Variants in PRDM5 observed in about 807,000 individuals in gnomAD.
PRDM5 encodes PR/SET domain 5, also known as PR domain zinc finger protein 5.
A neutral mutation model predicts 81.2 loss-of-function variants in PRDM5; 56 were observed. The ratio of observed to expected loss-of-function variants is 0.69; its 90% CI spans 0.56 to 0.86. The LOEUF (loss-of-function observed/expected upper bound fraction) is 0.86. PRDM5 is among the 40% of genes least tolerant of loss of function. The pLI is 0.00. For missense variants in PRDM5, 697 were observed against 770.1 expected (o/e 0.91, Z 1.12); for synonymous variants, 267 against 256.4 (o/e 1.04, Z -0.39).
At chr4:120,702,833 C>A (rs1485710330) in intron 15 of PRDM5, among the ~76,000 whole-genome samples, 1 of 152,210 alleles carries the variant, frequency 6.6e-6, no homozygotes, top group Non-Finnish European at 1.5e-5. Context: ...CTTCTCCAAA[C>A]CCAATGTCAC....
intron 15 of PRDM5, among the ~76,000 whole-genome samples, chr4:120,709,815 C>T (rs1420493722): frequency 6.7e-6 from 1 of 148,618 alleles, no homozygotes; most frequent in Non-Finnish European, 1.5e-5. Flanking sequence ...CCATTTCAAT[C>T]CAAATGTCAT....
chr4:120,730,372 G>A (rs1246175526), intron 14 of PRDM5, among the ~76,000 whole-genome samples: 1 of 152,046 alleles, frequency 6.6e-6, no homozygotes, highest in African/African-American at 2.4e-5. Flanking sequence ...AATTGAAAAA[G>A]GCACATGAAT....
At chr4:120,849,936 G>T (rs1225145587) in intron 3 of PRDM5, among the ~76,000 whole-genome samples, 1 of 152,024 alleles carries the variant, frequency 6.6e-6, no homozygotes, top group Non-Finnish European at 1.5e-5. Context: ...ACAGTTAAAT[G>T]ATTATTCTGA....
At chr4:120,714,498 T>C (rs535840884) in intron 14 of PRDM5, among the ~76,000 whole-genome samples, 8 of 152,192 alleles carry the variant, frequency 5.3e-5, no homozygotes, top group Non-Finnish European at 1.2e-4. Flanking sequence ...ATTTGCTTAT[T>C]TCCCAATTCC....
chr4:120,846,926 A>G (rs1004145246), intron 3 of PRDM5, among the ~76,000 whole-genome samples: 4 of 152,098 alleles, frequency 2.6e-5, no homozygotes, highest in Non-Finnish European at 5.9e-5. Flanking sequence ...TCAGCCAGCA[A>G]AAGTCAGAGC....
chr4:120,799,734 T>C lies in PRDM5; in HGVS notation c.957A>G (p.Ile319Met). The C allele has an allele frequency of 6.2e-7, 1 of 1,612,496 alleles. No individual in the cohort carries two copies. Among genetic ancestry groups the C allele is most frequent in the Non-Finnish European group, 8.5e-7 (1 of 1,179,346 alleles). ...SLQEHRKIHEIFDCQECMKKF... is the reference protein window; with the variant it reads ...SLQEHRKIHEMFDCQECMKKF... ...TCTTCATACATTCTTGACAATCAAA[T>C]ATCTCATGAATCTGCAAAAGGTTAA... Residue 319 changes from isoleucine (I) to methionine (M), a missense_variant, in exon 9 of 16, where the codon ATA becomes ATG. Ile to Met is a conservative substitution (Grantham distance 10, BLOSUM62 1). Coordinates refer to ENST00000264808, the MANE Select transcript of PRDM5 (RefSeq NM_018699.4).
chr4:120,853,466 G>A lies in PRDM5; in HGVS notation c.252C>T (p.Phe84=), dbSNP rs576918913. Residue 84 remains phenylalanine (F), a synonymous_variant, in exon 3 of 16, where the codon TTC becomes TTT. Transcript: ENST00000264808. The part of the protein sequence containing the change: ...TNPRHSNWLR[F]VHEAPSQEQK... ...GCTCCTGAGATGGTGCCTCATGAAC[G>A]AAGCGAAGCCAGTTGGAGTGCCGTG... The A allele has an allele frequency of 5.6e-5, 91 of 1,613,778 alleles. 1 individual carries two copies. Among genetic ancestry groups the A allele is most frequent in the Admixed American group, 1.5e-4 (9 of 60,006 alleles).
chr4:120,761,408 CA>C (rs1210790784), intron 13 of PRDM5, among the ~76,000 whole-genome samples: 3 of 152,132 alleles, frequency 2.0e-5, no homozygotes. Context: ...GGAAAAAAAT[CA>C]AATCCTAGTT....
At chr4:120,835,380 A>C (rs577763205) in intron 3 of PRDM5, among the ~76,000 whole-genome samples, 4 of 152,340 alleles carry the variant, frequency 2.6e-5, no homozygotes, top group African/African-American at 9.6e-5. Flanking sequence ...ATGTGTGCCT[A>C]TGCCTGTGTG....
chr4:120,706,589 G>A lies in PRDM5; in HGVS notation c.1728+3720C>T, dbSNP rs1002065513. Reference sequence around the variant, plus strand: ...GTTCAAAAGAGAGACCTGGGCAGGAGAAAGAAAGATTTCAAAGTTATTGCT... The same window carrying A: ...GTTCAAAAGAGAGACCTGGGCAGGAAAAAGAAAGATTTCAAAGTTATTGCT... On this transcript the variant is annotated intron_variant, in intron 15 of 15. Transcript: ENST00000264808. Among the ~76,000 whole-genome samples, 19 of 152,044 alleles carry A rather than the reference G, an allele frequency of 1.2e-4. 1 individual carries two copies. The highest frequency in any genetic ancestry group is 6.2e-4 in the South Asian group (3 of 4,818).
At chr4:120,811,914 C>A (rs1372100554) in intron 7 of PRDM5, among the ~76,000 whole-genome samples, 1 of 151,930 alleles carries the variant, frequency 6.6e-6, no homozygotes, top group Non-Finnish European at 1.5e-5. Flanking sequence ...TTTAAATATA[C>A]AATAAGTTAT....
intron 15 of PRDM5, among the ~76,000 whole-genome samples, chr4:120,704,037 A>G (rs902378460): frequency 5.3e-5 from 8 of 152,142 alleles, no homozygotes; most frequent in African/African-American, 1.9e-4. Flanking sequence ...ACCATGGGAA[A>G]ATGAGAGCAA....
rs1318593388 is a variant in PRDM5 at position 120,693,173 on chromosome 4, G to A, written c.*1938C>T. 3 of 152,016 alleles carry A rather than the reference G, an allele frequency of 2.0e-5. No individual in the cohort carries two copies. The highest frequency in any genetic ancestry group is 2.0e-4 in the Admixed American group (3 of 15,242). 9.4% of individuals were successfully genotyped at this position (152,016 alleles called of 1,614,324 possible). A position where few individuals can be genotyped will look rare whatever the true frequency, so the allele number is the denominator to read the frequency against. ...AGTTTTCAGGGTAATTTCCCCAGCA[G>A]CCATGTGAACTGTGACTCACTGAGA... is the stretch of plus-strand genomic sequence containing the variant. On this transcript the variant is annotated 3_prime_UTR_variant, in exon 16 of 16. Transcript: ENST00000264808.
At chr4:120,887,696 T>A (rs1763586369) in intron 2 of PRDM5, among the ~76,000 whole-genome samples, 1 of 152,172 alleles carries the variant, frequency 6.6e-6, no homozygotes, top group African/African-American at 2.4e-5. Flanking sequence ...ACCTAGTTCT[T>A]CTTCAGATGG....
chr4:120,696,326 A>T (rs565534270), intron 15 of PRDM5, among the ~76,000 whole-genome samples: 5 of 152,138 alleles, frequency 3.3e-5, no homozygotes, highest in African/African-American at 1.2e-4. Flanking sequence ...CTCTGTTCAA[A>T]TTTACTTTTT....
intron 12 of PRDM5, among the ~76,000 whole-genome samples, chr4:120,779,575 G>A (rs1343163083): frequency 6.6e-6 from 1 of 152,106 alleles, no homozygotes; most frequent in Non-Finnish European, 1.5e-5. Context: ...TGCCCTAGAT[G>A]TGATTATTAT....
intron 8 of PRDM5, among the ~76,000 whole-genome samples, chr4:120,801,610 T>C (rs1752129969): frequency 6.6e-6 from 1 of 152,230 alleles, no homozygotes; most frequent in Non-Finnish European, 1.5e-5. Context: ...ATGGCATCTA[T>C]GAGGGGATAT....
At chr4:120,724,654 G>A (rs1739128760) in intron 14 of PRDM5, among the ~76,000 whole-genome samples, 1 of 152,170 alleles carries the variant, frequency 6.6e-6, no homozygotes, top group Non-Finnish European at 1.5e-5. Context: ...AGTTTATTCA[G>A]AGGTGTGCAG....
chr4:120,871,727 A>G (rs115658935), intron 2 of PRDM5, among the ~76,000 whole-genome samples: 123 of 151,918 alleles, frequency 8.1e-4, no homozygotes, highest in African/African-American at 2.8e-3. Context: ...ATCTTAAAAT[A>G]TTATCGATCC....
Sources: allele counts gnomAD v4.1 joint callset (sites outside exome capture counted in the v4.1 genomes callset), GRCh38; gene constraint gnomAD v4.1.1; transcripts MANE v1.5; gene names NCBI Gene and HGNC (gene_info 2026-07-23, HGNC 2026-07-21).